The following SRBD1 variants were observed in gnomAD, a reference collection of about 807,000 sequenced individuals.
The protein encoded by SRBD1 is S1 RNA binding domain 1.
In SRBD1, 88 loss-of-function variants were observed where a neutral mutation model predicts 115.3. That is an observed-to-expected ratio of 0.76 (90% CI 0.64 to 0.91). The LOEUF (loss-of-function observed/expected upper bound fraction) is 0.91, where lower values mean the gene tolerates loss of function less well. SRBD1 is among the 40% of genes least tolerant of loss of function. The pLI is 0.00. For missense variants in SRBD1, 1,385 were observed against 1,177.4 expected, an observed-to-expected ratio of 1.18 and a Z score of -2.58; for synonymous variants, 509 against 407.7, an observed-to-expected ratio of 1.25 and a Z score of -2.99.
intron 14 of SRBD1, among the ~76,000 whole-genome samples, chr2:45,541,234 C>A (rs1403725159): frequency 6.6e-6 from 1 of 152,226 alleles, no homozygotes; most frequent in Non-Finnish European, 1.5e-5. Context: ...CAGACACCCA[C>A]ATCTGGACGA....
At chr2:45,528,179 A>G (rs1300215400) in intron 14 of SRBD1, among the ~76,000 whole-genome samples, 2 of 151,914 alleles carry the variant, frequency 1.3e-5, no homozygotes, top group Non-Finnish European at 2.9e-5. Flanking sequence ...ACAATGGCAT[A>G]ATGTAAAAAT....
chr2:45,587,137 T>A lies in SRBD1; in HGVS notation c.649-1363A>T, dbSNP rs1013603079. Among the ~76,000 whole-genome samples, 76 of 130,634 alleles carry A rather than the reference T, an allele frequency of 5.8e-4. 2 individuals are homozygous for A. Among genetic ancestry groups the A allele is most frequent in the Middle Eastern group, 3.9e-3 (1 of 258 alleles). The allele number at this position is 130,634 out of a possible 152,430, so 85.7% of individuals were successfully genotyped here. ...AATATAATTATTAAAATATTTAAAA[T>A]TTTTTAAATATTTAATTATTTTAAA... On this transcript the variant is annotated intron_variant, in intron 4 of 20. Coordinates refer to ENST00000263736, the MANE Select transcript of SRBD1 (RefSeq NM_018079.5).
chr2:45,493,788 G>A (rs192716304), intron 14 of SRBD1, among the ~76,000 whole-genome samples: 177 of 149,898 alleles, frequency 1.2e-3, no homozygotes, highest in African/African-American at 4.0e-3. Context: ...TCCATCCTGG[G>A]CAACAAGAAT....
At chr2:45,544,132 T>C (rs1423826414) in intron 14 of SRBD1, among the ~76,000 whole-genome samples, 2 of 149,498 alleles carry the variant, frequency 1.3e-5, no homozygotes, top group African/African-American at 5.0e-5. Flanking sequence ...ACTCGGGAGG[T>C]TGAGGCAGGA....
intron 16 of SRBD1, among the ~76,000 whole-genome samples, chr2:45,443,264 G>A (rs1668724342): frequency 6.6e-6 from 1 of 152,144 alleles, no homozygotes; most frequent in Non-Finnish European, 1.5e-5. Flanking sequence ...GTAGCTGGAG[G>A]AAAAAGAGGG....
At chr2:45,481,794 G>C (rs958456619) in intron 15 of SRBD1, among the ~76,000 whole-genome samples, 2 of 152,134 alleles carry the variant, frequency 1.3e-5, no homozygotes, top group African/African-American at 4.8e-5. Flanking sequence ...GAAATGAAGT[G>C]CTGATACATG....
intron 16 of SRBD1, among the ~76,000 whole-genome samples, chr2:45,455,776 T>A (rs888580234): frequency 1.3e-5 from 2 of 151,736 alleles, no homozygotes; most frequent in Non-Finnish European, 2.9e-5. Flanking sequence ...AATAAAAAAA[T>A]AACAGTGGTG....
At chr2:45,514,303 G>C (rs1191132012) in intron 14 of SRBD1, among the ~76,000 whole-genome samples, 1 of 152,044 alleles carries the variant, frequency 6.6e-6, no homozygotes, top group Non-Finnish European at 1.5e-5. Context: ...TGGTGAAATA[G>C]TAACAAAGCA....
chr2:45,395,237 G>A (rs770892532), intron 19 of SRBD1, among the ~76,000 whole-genome samples: 2 of 152,206 alleles, frequency 1.3e-5, no homozygotes, highest in Non-Finnish European at 2.9e-5. Context: ...AAAAATGACA[G>A]AATGTATACT....
intron 14 of SRBD1, among the ~76,000 whole-genome samples, chr2:45,542,608 G>A (rs1239028331): frequency 6.6e-6 from 1 of 152,178 alleles, no homozygotes; most frequent in Non-Finnish European, 1.5e-5. Flanking sequence ...AAGTAAGATG[G>A]TACAACCATC....
At chr2:45,603,591 G>A (rs919823325) in intron 2 of SRBD1, among the ~76,000 whole-genome samples, 2 of 152,112 alleles carry the variant, frequency 1.3e-5, no homozygotes, top group Admixed American at 1.3e-4. Flanking sequence ...GTGCAGTGAC[G>A]TGATCTCGGT....
intron 19 of SRBD1, among the ~76,000 whole-genome samples, chr2:45,409,076 G>T (rs936348632): frequency 6.6e-6 from 1 of 151,986 alleles, no homozygotes; most frequent in Non-Finnish European, 1.5e-5. Context: ...AAAATTAGCC[G>T]GGCATGGTGG....
At position 45,580,511 on chromosome 2, in the gene SRBD1, AT is replaced by A. The variant is rs1227093467; in HGVS notation, c.934-499del. The stretch of plus-strand genomic sequence containing the variant: ...CAGGAGCGCACCACTACGTCCAGCT[AT>A]TTTTTTTTTTTTTTTTTTTTGCATT... On this transcript the variant is annotated intron_variant, in intron 6 of 20. Coordinates refer to ENST00000263736, the MANE Select transcript of SRBD1 (RefSeq NM_018079.5). 3.3e-3 allele frequency among the ~76,000 whole-genome samples: 282 copies of A among 85,774 alleles called. 1 individual carries two copies. The highest frequency in any genetic ancestry group is 7.1e-3 in the African/African-American group (142 of 19,900). The allele number at this position is 85,774 out of a possible 152,430, so 56.3% of individuals were successfully genotyped here. A position where few individuals can be genotyped will look rare whatever the true frequency, so the allele number is the denominator to read the frequency against.
At chr2:45,506,774 G>A (rs1352996535) in intron 14 of SRBD1, among the ~76,000 whole-genome samples, 2 of 152,130 alleles carry the variant, frequency 1.3e-5, no homozygotes, top group Admixed American at 6.5e-5. Context: ...ACTCTCACAC[G>A]TATGTTCTAC....
chr2:45,575,837 G>C (rs557490231), intron 7 of SRBD1, among the ~76,000 whole-genome samples: 83 of 152,232 alleles, frequency 5.5e-4, no homozygotes, highest in Middle Eastern at 3.4e-3. Context: ...CCAAGTAACA[G>C]GGATTACAGG....
chr2:45,401,262 A>G (rs1428105394), intron 19 of SRBD1, among the ~76,000 whole-genome samples: 2 of 152,196 alleles, frequency 1.3e-5, no homozygotes, highest in Non-Finnish European at 2.9e-5. Context: ...CCTGGGCAAC[A>G]TAGAGAGACT....
At chr2:45,422,743 G>A (rs1243065774) in intron 16 of SRBD1, among the ~76,000 whole-genome samples, 3 of 152,126 alleles carry the variant, frequency 2.0e-5, no homozygotes, top group Non-Finnish European at 2.9e-5. Flanking sequence ...TTTATCTATC[G>A]GCAAAGAGCT....
chr2:45,505,065 T>C (rs1670756883), intron 14 of SRBD1, among the ~76,000 whole-genome samples: 1 of 152,138 alleles, frequency 6.6e-6, no homozygotes, highest in South Asian at 2.1e-4. Context: ...CCGAGTCTTC[T>C]ACACAAAACC....
At position 45,487,523 on chromosome 2, in the gene SRBD1, A is replaced by G. The variant is rs574281936; in HGVS notation, c.1966+717T>C. On this transcript the variant is annotated intron_variant, in intron 15 of 20. Coordinates refer to ENST00000263736, the MANE Select transcript of SRBD1 (RefSeq NM_018079.5). The stretch of plus-strand genomic sequence containing the variant: ...GACAAATATTTGGCAATAAACTGAA[A>G]GTCTGTGTACTTTCATAAATTTGTA... Among the ~76,000 whole-genome samples, 11 of 152,362 alleles carry G rather than the reference A, an allele frequency of 7.2e-5. No homozygotes were observed. In the South Asian group the frequency reaches 2.3e-3, roughly 32 times the overall value.
Sources: gnomAD v4.1 joint callset for allele counts (sites outside exome capture counted in the v4.1 genomes callset) on GRCh38, gnomAD v4.1.1 for gene constraint, MANE v1.5 for transcripts, NCBI Gene and HGNC (gene_info 2026-07-23, HGNC 2026-07-21) for gene names.